Variants in CRACD observed in about 807,000 individuals in gnomAD.
CRACD encodes the protein capping protein-inhibiting regulator of actin dynamics.
A neutral mutation model predicts 106.8 loss-of-function variants in CRACD; 56 were observed. The observed-to-expected ratio is 0.52, with a 90% CI of 0.42 to 0.66. The LOEUF (loss-of-function observed/expected upper bound fraction) is 0.66. Among genes scored for constraint, CRACD ranks in the 30% least tolerant of loss-of-function variants. The pLI, the probability that CRACD is intolerant of heterozygous loss-of-function variation, is 0.00. For synonymous variants in CRACD, 754 were observed against 670.8 expected (o/e 1.12, Z -1.92); for missense variants, 1,730 against 1,623.2 (o/e 1.07, Z -1.13).
In CRACD at chr4:56,263,664, G is replaced by A. The variant is rs1173123390; in HGVS notation, c.-188-8657G>A. Among the ~76,000 whole-genome samples, 15 of 152,020 alleles carry A rather than the reference G, an allele frequency of 9.9e-5. 1 individual carries two copies. Among genetic ancestry groups the A allele is most frequent in the East Asian group, 7.7e-4 (4 of 5,198 alleles). On this transcript the variant is annotated intron_variant, in intron 2 of 10. Coordinates refer to ENST00000682029, the MANE Select transcript of CRACD (RefSeq NM_001393381.1). ...TTAAAGACTCTATCTCCAAATATTCGCATTCAGAGGTACTGGGAGTTAGGA... is the reference window on the plus strand; with the variant it reads ...TTAAAGACTCTATCTCCAAATATTCACATTCAGAGGTACTGGGAGTTAGGA...
intron 1 of CRACD, among the ~76,000 whole-genome samples, chr4:56,130,987 G>T (rs1577682220): frequency 6.6e-6 from 1 of 152,166 alleles, no homozygotes; most frequent in East Asian, 1.9e-4. Flanking sequence ...AGTGATGCTT[G>T]TCTGACTGCT....
chr4:56,265,825 C>T (rs1258393067), intron 2 of CRACD, among the ~76,000 whole-genome samples: 2 of 152,124 alleles, frequency 1.3e-5, no homozygotes, highest in South Asian at 2.1e-4. Flanking sequence ...CTGTTCTTCA[C>T]TCGGAAGCAT....
At chr4:56,188,707 C>CAGAGAG (rs1560477300) in intron 2 of CRACD, among the ~76,000 whole-genome samples, 11 of 134,848 alleles carry the variant, frequency 8.2e-5, no homozygotes, top group African/African-American at 3.3e-4. Flanking sequence ...CACACACACA[C>CAGAGAG]ACACAGAGAG....
intron 1 of CRACD, among the ~76,000 whole-genome samples, chr4:56,134,935 CTT>C (rs368298732): frequency 1.4e-5 from 2 of 146,472 alleles, no homozygotes; most frequent in South Asian, 2.2e-4. Flanking sequence ...TTGATACTGG[CTT>C]TTTTTTTTTC....
At chr4:56,123,859 A>G (rs766003439) in intron 1 of CRACD, among the ~76,000 whole-genome samples, 1 of 152,238 alleles carries the variant, frequency 6.6e-6, no homozygotes, top group Non-Finnish European at 1.5e-5. Context: ...ACACTTATTT[A>G]TAAGTCCAGA....
At chr4:56,281,679 A>G (rs774390484) in intron 3 of CRACD, among the ~76,000 whole-genome samples, 1 of 152,210 alleles carries the variant, frequency 6.6e-6, no homozygotes, top group African/African-American at 2.4e-5. Context: ...GAACCAGAGG[A>G]AAATTGATTC....
At chr4:56,236,596 C>A (rs928568176) in intron 2 of CRACD, among the ~76,000 whole-genome samples, 32 of 152,004 alleles carry the variant, frequency 2.1e-4, no homozygotes, top group African/African-American at 7.3e-4. Context: ...TGTATGGAAA[C>A]CAGGAGTCAC....
At chr4:56,232,929 A>T (rs914039031) in intron 2 of CRACD, among the ~76,000 whole-genome samples, 75 of 151,786 alleles carry the variant, frequency 4.9e-4, no homozygotes, top group African/African-American at 1.8e-3. Flanking sequence ...GGGTTTCACC[A>T]TATCGAACAG....
At position 56,207,096 on chromosome 4, in the gene CRACD, A is replaced by G. The variant is rs994629550; in HGVS notation, c.-189+27666A>G. On this transcript the variant is annotated intron_variant, in intron 2 of 10. Transcript: ENST00000682029. ...TAAAATAGATCAAAGAATGAGCTAG[A>G]TAAGGAGTCTGCTCATTAAGAAACA... 2.6e-5 allele frequency among the ~76,000 whole-genome samples: 4 copies of G among 152,334 alleles called. No homozygotes were observed. The South Asian group carries it at 8.3e-4, about 32-fold the overall frequency.
chr4:56,087,121 C>T (rs1733255881), intron 1 of CRACD, among the ~76,000 whole-genome samples: 1 of 152,044 alleles, frequency 6.6e-6, no homozygotes, highest in Non-Finnish European at 1.5e-5. Context: ...AAGCAACTCT[C>T]CCTGCCTCAG....
intron 2 of CRACD, among the ~76,000 whole-genome samples, chr4:56,236,028 T>C (rs1739946666): frequency 6.6e-6 from 1 of 152,144 alleles, no homozygotes; most frequent in South Asian, 2.1e-4. Flanking sequence ...ATTGTATCCT[T>C]GAAAAATGCT....
chr4:56,277,837 A>G (rs1025539262), intron 3 of CRACD, among the ~76,000 whole-genome samples: 3 of 152,244 alleles, frequency 2.0e-5, no homozygotes, highest in African/African-American at 4.8e-5. Flanking sequence ...GAGTTTTTGT[A>G]TATCAATTGT....
intron 3 of CRACD, among the ~76,000 whole-genome samples, chr4:56,292,884 G>A (rs1253660523): frequency 6.6e-6 from 1 of 152,078 alleles, no homozygotes; most frequent in African/African-American, 2.4e-5. Context: ...AAGCATCTAA[G>A]AAACAGACCA....
At chr4:56,182,992 G>A (rs953855231) in intron 2 of CRACD, among the ~76,000 whole-genome samples, 1 of 151,040 alleles carries the variant, frequency 6.6e-6, no homozygotes, top group East Asian at 2.0e-4. Flanking sequence ...CAGTACTTTG[G>A]GAGGCCAAGG....
intron 2 of CRACD, among the ~76,000 whole-genome samples, chr4:56,194,967 A>G (rs1331423136): frequency 6.6e-6 from 1 of 152,170 alleles, no homozygotes; most frequent in African/African-American, 2.4e-5. Flanking sequence ...CAATAAGTTC[A>G]GTAATATTAA....
intron 1 of CRACD, among the ~76,000 whole-genome samples, 161 bp downstream of exon 1, chr4:56,049,460 C>A (rs1433441179): frequency 3.3e-5 from 5 of 151,958 alleles, no homozygotes; most frequent in Non-Finnish European, 5.9e-5. Context: ...CGGTGGGCTT[C>A]GGGGCGGTGT....
intron 2 of CRACD, among the ~76,000 whole-genome samples, chr4:56,260,139 T>C (rs1741606537): frequency 6.6e-6 from 1 of 152,228 alleles, no homozygotes; most frequent in Non-Finnish European, 1.5e-5. Context: ...CTGATAGTTA[T>C]GAGTGTTTCT....
chr4:56,058,566 GT>G (rs933776639), intron 1 of CRACD, among the ~76,000 whole-genome samples: 1 of 152,212 alleles, frequency 6.6e-6, no homozygotes, highest in African/African-American at 2.4e-5. Context: ...GGGTTGGCTG[GT>G]GCAAAAGCCA....
chr4:56,068,327 G>A (rs959387942), intron 1 of CRACD, among the ~76,000 whole-genome samples: 1 of 152,168 alleles, frequency 6.6e-6, no homozygotes, highest in Non-Finnish European at 1.5e-5. Context: ...GCAACAACAC[G>A]GCCGCTGCAG....
Sources: gnomAD v4.1 joint callset for allele counts (sites outside exome capture counted in the v4.1 genomes callset) on GRCh38, gnomAD v4.1.1 for gene constraint, MANE v1.5 for transcripts, NCBI Gene and HGNC (gene_info 2026-07-23, HGNC 2026-07-21) for gene names.